Variants in TPRG1 observed in about 807,000 individuals in gnomAD.
TPRG1 encodes the protein tumor protein p63 regulated 1.
A neutral mutation model predicts 29.3 loss-of-function variants in TPRG1; 29 were observed. The ratio of observed to expected loss-of-function variants is 0.99; its 90% CI spans 0.74 to 1.35. TPRG1 has a LOEUF of 1.35. Ranked by LOEUF, TPRG1 falls within the 40% of genes most tolerant of loss-of-function variation. The pLI is 0.00. For synonymous variants in TPRG1, 130 were observed against 116.8 expected (o/e 1.11, Z -0.73); for missense variants, 327 against 335.0 (o/e 0.98, Z 0.19).
At chr3:189,087,223 A>T (rs1718006410) in intron 4 of TPRG1, among the ~76,000 whole-genome samples, 1 of 152,014 alleles carries the variant, frequency 6.6e-6, no homozygotes, top group African/African-American at 2.4e-5. Flanking sequence ...ATGGTATCTC[A>T]TTGTGGTTTT....
At chr3:189,121,582 C>T (rs1721833168) in intron 1 of TPRG1, 1 of 152,174 alleles carries the variant, frequency 6.6e-6, no homozygotes, top group Admixed American at 6.5e-5. Context: ...GTTTGTTGTG[C>T]TAAGCTACTG....
upstream of TPRG1, among the ~76,000 whole-genome samples, chr3:189,099,494 A>C (rs1297298494): frequency 6.6e-6 from 1 of 152,024 alleles, no homozygotes; most frequent in Non-Finnish European, 1.5e-5. Flanking sequence ...GCCTTCCAGG[A>C]AGCCGCTTCC....
intron 3 of TPRG1, among the ~76,000 whole-genome samples, chr3:189,141,641 C>T (rs2108568760): frequency 6.6e-6 from 1 of 152,282 alleles, no homozygotes; most frequent in Admixed American, 6.5e-5. Context: ...CTGCTCTGAG[C>T]ACTTTGAGAA....
chr3:189,239,930 A>G (rs1740251478), intron 4 of TPRG1, among the ~76,000 whole-genome samples: 1 of 152,160 alleles, frequency 6.6e-6, no homozygotes, highest in Non-Finnish European at 1.5e-5. Context: ...AACATTTTAG[A>G]TCTAAGCAAG....
chr3:189,314,160 G>C (rs554890658), intron 5 of TPRG1, among the ~76,000 whole-genome samples: 2 of 152,188 alleles, frequency 1.3e-5, no homozygotes, highest in Non-Finnish European at 2.9e-5. Context: ...ACTGGAAAAA[G>C]TAGGTTTGGG....
chr3:189,087,502 T>G (rs138582439), intron 4 of TPRG1, among the ~76,000 whole-genome samples: 51 of 152,346 alleles, frequency 3.3e-4, no homozygotes, highest in African/African-American at 1.1e-3. Flanking sequence ...CAGAAGCTCT[T>G]TAGTTTAATT....
chr3:189,157,207 G>A (rs893225875), intron 5 of TPRG1, among the ~76,000 whole-genome samples: 1 of 152,150 alleles, frequency 6.6e-6, no homozygotes, highest in South Asian at 2.1e-4. Flanking sequence ...AAGCTTGATC[G>A]AGCATTAAGC....
At chr3:189,242,867 A>G (rs1359394041) in intron 4 of TPRG1, among the ~76,000 whole-genome samples, 1 of 151,722 alleles carries the variant, frequency 6.6e-6, no homozygotes, top group Non-Finnish European at 1.5e-5. Context: ...TAAGAGGACT[A>G]ATTTTTTTAT....
chr3:189,189,710 G>A (rs926109240), intron 1 of TPRG1, among the ~76,000 whole-genome samples: 12 of 152,178 alleles, frequency 7.9e-5, no homozygotes, highest in East Asian at 3.8e-4. Context: ...TATCCCGGAC[G>A]GGGTGTTGAA....
At chr3:189,140,950 G>A (rs547080477) in intron 3 of TPRG1, among the ~76,000 whole-genome samples, 1 of 152,252 alleles carries the variant, frequency 6.6e-6, no homozygotes, top group East Asian at 1.9e-4. Flanking sequence ...TGCAAACCAG[G>A]TCCTACCTGG....
chr3:189,016,434 C>A (rs1392282256), intron 3 of TPRG1, among the ~76,000 whole-genome samples: 1 of 151,852 alleles, frequency 6.6e-6, no homozygotes, highest in Non-Finnish European at 1.5e-5. Context: ...TCAGATAAGA[C>A]TTTGGATTGT....
intron 3 of TPRG1, among the ~76,000 whole-genome samples, chr3:189,223,847 T>A (rs1285141805): frequency 6.6e-6 from 1 of 152,108 alleles, no homozygotes; most frequent in Non-Finnish European, 1.5e-5. Context: ...CATGTAAGAG[T>A]TGGCTTTTAA....
intron 4 of TPRG1, among the ~76,000 whole-genome samples, chr3:189,085,530 C>G (rs116540294): frequency 3.3e-5 from 5 of 152,058 alleles, no homozygotes; most frequent in African/African-American, 1.2e-4. Context: ...GCTTCCCTAA[C>G]AGGAGATAGC....
chr3:189,048,853 G>A lies in TPRG1; in HGVS notation c.-463+24907G>A, dbSNP rs115925168. 2.5e-3 allele frequency among the ~76,000 whole-genome samples: 384 copies of A among 152,264 alleles called. 2 individuals carry two copies. The highest frequency in any genetic ancestry group is 8.1e-3 in the African/African-American group (338 of 41,552). On this transcript the variant is annotated intron_variant, in intron 4 of 10. Coordinates refer to the TPRG1 transcript ENST00000433971. ...AGAAGAGCGAAAGGGAGACCCTCCC[G>A]TCCGCAACACACACCCCCACTGGAG...
intron 3 of TPRG1, among the ~76,000 whole-genome samples, chr3:189,016,615 T>A (rs976766720): frequency 3.9e-5 from 6 of 152,044 alleles, no homozygotes; most frequent in African/African-American, 1.4e-4. Context: ...AATCCTCATG[T>A]GTTTGGTGAG....
intron 1 of TPRG1, among the ~76,000 whole-genome samples, chr3:189,197,487 T>G (rs1364636227): frequency 2.0e-5 from 3 of 152,196 alleles, no homozygotes; most frequent in Non-Finnish European, 4.4e-5. Context: ...CTGTCCCTTT[T>G]CTGTCCCACA....
intron 4 of TPRG1, among the ~76,000 whole-genome samples, chr3:189,075,104 C>T (rs532524735): frequency 1.1e-4 from 16 of 151,448 alleles, no homozygotes; most frequent in African/African-American, 3.1e-4. Context: ...TTACAGAGAG[C>T]GAATTCATGC....
intron 4 of TPRG1, among the ~76,000 whole-genome samples, chr3:189,077,528 A>T (rs1362651853): frequency 1.3e-5 from 2 of 152,180 alleles, no homozygotes; most frequent in Non-Finnish European, 2.9e-5. Flanking sequence ...TTTTGGGGTG[A>T]TAAAGATATT....
chr3:189,302,428 A>C (rs893919560), intron 4 of TPRG1, among the ~76,000 whole-genome samples: 1 of 152,182 alleles, frequency 6.6e-6, no homozygotes, highest in African/African-American at 2.4e-5. Context: ...TAAATTAATT[A>C]TTCATTATTG....
Sources: allele counts gnomAD v4.1 joint callset (sites outside exome capture counted in the v4.1 genomes callset), GRCh38; gene constraint gnomAD v4.1.1; transcripts MANE v1.5; gene names NCBI Gene and HGNC (gene_info 2026-07-23, HGNC 2026-07-21).